Variants in TBRG4 observed in about 807,000 individuals in gnomAD.
The protein encoded by TBRG4 is transforming growth factor beta regulator 4.
Under a neutral mutation model 65.6 loss-of-function variants are expected in TBRG4, and 43 were observed. The observed-to-expected ratio is 0.66, with a 90% CI of 0.51 to 0.85. TBRG4 has a LOEUF of 0.85. TBRG4 is among the 40% of genes least tolerant of loss of function. The probability of loss-of-function intolerance (pLI) is 0.00; values close to 1 mark genes in which losing one functional copy is unlikely to be tolerated. For missense variants in TBRG4, 709 were observed against 787.9 expected (o/e 0.90, Z 1.20); for synonymous variants, 366 against 341.4 (o/e 1.07, Z -0.79).
At chr7:45,100,447 C>T (rs1343133322) in intron 10 of TBRG4, 21 bp from the exon 11 acceptor site, 1 of 1,595,972 alleles carries the variant, frequency 6.3e-7, no homozygotes, top group African/African-American at 1.3e-5. Context: ...GCAGGGGAGA[C>T]AGGTCACATG....
intron 2 of TBRG4, 125 bp from the exon 3 acceptor site, chr7:45,105,889 A>G: frequency 8.5e-7 from 1 of 1,169,768 alleles, no homozygotes; most frequent in Admixed American, 1.8e-5. Context: ...AGACAGTATC[A>G]GTTCCCCACT....
Position 45,111,678 on chromosome 7 carries a change from C to G in TBRG4, c.-86G>C. ...CCACCGCTGACCTCCATCCGCCGCC[C>G]TAACTGTCCCCGGAACCATGAGGTG... On this transcript the variant is annotated 5_prime_UTR_variant, in exon 1 of 11. Coordinates refer to ENST00000258770, the MANE Select transcript of TBRG4 (RefSeq NM_004749.4). The G allele has an allele frequency of 7.8e-7, 1 of 1,288,880 alleles. No individual in the cohort carries two copies. The highest frequency in any genetic ancestry group is 1.5e-5 in the African/African-American group (1 of 66,004). The allele number at this position is 1,288,880 out of a possible 1,614,324, so 79.8% of individuals were successfully genotyped here. A position where few individuals can be genotyped will look rare whatever the true frequency, so the allele number is the denominator to read the frequency against.
rs182036616 is a variant in TBRG4, at chr7:45,108,874, T to G, written c.364A>C (p.Ile122Leu). 31 of 1,562,052 alleles carry G rather than the reference T, an allele frequency of 2.0e-5. No homozygotes were observed. The East Asian group carries it at 6.3e-4, about 32-fold the overall frequency. ...AGTTGATGAAAGTGGGCATCCTGTA[T>G]GAGCAAGCCTTTATCTTCTGGCTTC... The part of the protein sequence containing the change: ...SEKPEDKGLL[I>L]QDAHFHQLLC... Residue 122 changes from isoleucine (I) to leucine (L), a missense_variant, in exon 2 of 11, where the codon ATA becomes CTA. Ile to Leu is a conservative substitution (Grantham distance 5, BLOSUM62 2). Transcript: ENST00000258770.
intron 1 of TBRG4, among the ~76,000 whole-genome samples, chr7:45,111,119 G>A (rs1232794344): frequency 5.9e-5 from 9 of 152,114 alleles, no homozygotes; most frequent in Admixed American, 5.9e-4. Flanking sequence ...GGGACTACAG[G>A]CCCGCGCCAC....
intron 10 of TBRG4, 138 bp downstream of exon 10, chr7:45,101,120 C>G (rs756123060): frequency 4.5e-5 from 33 of 725,764 alleles, no homozygotes; most frequent in Non-Finnish European, 6.4e-5. Context: ...AAACTCCCTC[C>G]CTGGGCTCCT....
chr7:45,105,330 C>T (rs906420816), intron 3 of TBRG4, 111 bp downstream of exon 3: 3 of 1,227,896 alleles, frequency 2.4e-6, no homozygotes, highest in East Asian at 5.0e-5. Context: ...GCTCCCAGGG[C>T]TCTGATCCCA....
In TBRG4 at chr7:45,100,577, T is replaced by G. The variant is rs1784735288; in HGVS notation, c.1795-151A>C. The G allele has an allele frequency of 1.4e-5, 9 of 649,670 alleles. No individual in the cohort carries two copies. The South Asian group carries it at 1.5e-4, about 11-fold the overall frequency. 40.2% of individuals were successfully genotyped at this position (649,670 alleles called of 1,614,324 possible). A position where few individuals can be genotyped will look rare whatever the true frequency, so the allele number is the denominator to read the frequency against. On this transcript the variant is annotated intron_variant, in intron 10 of 10. Transcript: ENST00000258770. ...GCACACCTGCCCCTTGGCCTCCAAG[T>G]CTTCAAGGCAGAGCCCATGAACTGC...
At chr7:45,102,862 A>G (rs1784812096) in intron 6 of TBRG4, among the ~76,000 whole-genome samples, 1 of 152,186 alleles carries the variant, frequency 6.6e-6, no homozygotes, top group African/African-American at 2.4e-5. Context: ...GAGAGATGAG[A>G]GCATCCAAGA....
intron 5 of TBRG4, chr7:45,103,729 G>T (rs1230518617): frequency 5.7e-6 from 3 of 527,690 alleles, no homozygotes; most frequent in Non-Finnish European, 1.0e-5. Flanking sequence ...GTTTAGACTG[G>T]TCACACATAA....
At chr7:45,101,700 T>G in intron 8 of TBRG4, 86 bp from the exon 9 acceptor site, 1 of 1,596,876 alleles carries the variant, frequency 6.3e-7, no homozygotes, top group South Asian at 1.1e-5. Flanking sequence ...GATGGGACTG[T>G]GGGGAGCCCA....
In TBRG4 at chr7:45,100,237, A is replaced by C. The variant is rs1784723834; in HGVS notation, c.*88T>G. 3 of 1,098,842 alleles carry C rather than the reference A, an allele frequency of 2.7e-6. No homozygotes were observed. The highest frequency in any genetic ancestry group is 1.5e-5 in the African/African-American group (1 of 64,918). The allele number at this position is 1,098,842 out of a possible 1,614,324, so 68.1% of individuals were successfully genotyped here. A position where few individuals can be genotyped will look rare whatever the true frequency, so the allele number is the denominator to read the frequency against. ...CCCCACTCTGGCCAAGGTCCTGCAC[A>C]GAGGTTTGTCCTCAAGGGTGACCCT... is the stretch of plus-strand genomic sequence containing the variant. On this transcript the variant is annotated 3_prime_UTR_variant, in exon 11 of 11. Transcript: ENST00000258770.
At chr7:45,104,281 G>T (rs761643518) in intron 4 of TBRG4, 25 bp from the exon 5 acceptor site, 2 of 1,613,068 alleles carry the variant, frequency 1.2e-6, no homozygotes, top group Non-Finnish European at 1.7e-6. Flanking sequence ...AGATCACAGG[G>T]TTTAGCTGGA....
In TBRG4 at chr7:45,101,459, A is replaced by C. The variant is rs762193576; in HGVS notation, c.1679+44T>G. The stretch of plus-strand genomic sequence containing the variant: ...TGGAAAGCAAAGAATATGCAGTCCA[A>C]CAGCCATGGTGCCCCCATGGCCAAC... On this transcript the variant is annotated intron_variant, in intron 9 of 10. Transcript: ENST00000258770. The C allele has an allele frequency of 3.0e-5, 48 of 1,602,360 alleles. 1 individual carries two copies. The Admixed American group carries it at 8.0e-4, about 27-fold the overall frequency.
At chr7:45,102,766 A>G in intron 6 of TBRG4, 2 of 486,318 alleles carry the variant, frequency 4.1e-6, no homozygotes, top group Non-Finnish European at 7.3e-6. Context: ...ACTACAACCA[A>G]CCTACTGGCA....
At position 45,111,626 on chromosome 7, in the gene TBRG4, C is replaced by T. The variant is rs1306004416; in HGVS notation, c.-51+17G>A. On this transcript the variant is annotated intron_variant, in intron 1 of 10. Transcript: ENST00000258770. ...CCCACGATCAGCCGCCCCTTCTCCC[C>T]GTGCCACAAGACCTACGCAGCGAGC... The T allele has an allele frequency of 1.6e-6, 2 of 1,289,482 alleles. No homozygotes were observed. Among genetic ancestry groups the T allele is most frequent in the South Asian group, 2.5e-5 (2 of 81,016 alleles). 79.9% of individuals were successfully genotyped at this position (1,289,482 alleles called of 1,614,324 possible).
At chr7:45,104,383 G>C in intron 4 of TBRG4, 127 bp from the exon 5 acceptor site, 1 of 1,576,550 alleles carries the variant, frequency 6.3e-7, no homozygotes, top group Non-Finnish European at 8.7e-7. Context: ...CTGAGCCTGG[G>C]ACACAGGAAC....
rs1269466217 is a variant in TBRG4 at position 45,108,700 on chromosome 7, A to C, written c.411+127T>G. On this transcript the variant is annotated intron_variant, in intron 2 of 10. Coordinates refer to ENST00000258770, the MANE Select transcript of TBRG4 (RefSeq NM_004749.4). ...ATAAAGCACTTTGAAATTTATAAAA[A>C]AATAAAAAATATCACAAGAGATGCA... 5.1e-6 allele frequency: 4 copies of C among 779,400 alleles called. No homozygotes were observed. In the East Asian group the frequency reaches 8.4e-5, roughly 16 times the overall value. The allele number at this position is 779,400 out of a possible 1,614,324, so 48.3% of individuals were successfully genotyped here. A position where few individuals can be genotyped will look rare whatever the true frequency, so the allele number is the denominator to read the frequency against.
At chr7:45,105,150 C>G (rs1784898894) in intron 3 of TBRG4, 1 of 645,866 alleles carries the variant, frequency 1.5e-6, no homozygotes, top group South Asian at 1.6e-5. Flanking sequence ...GCCCCCCTCT[C>G]AAGATCGTGC....
At chr7:45,101,422 G>A (rs187000612) in intron 9 of TBRG4, 50 bp from the exon 10 acceptor site, 31 of 1,606,000 alleles carry the variant, frequency 1.9e-5, no homozygotes, top group Admixed American at 3.4e-5. Context: ...CCAGCCCCTC[G>A]GAGGGGAAAG....
Sources: allele counts gnomAD v4.1 joint callset (sites outside exome capture counted in the v4.1 genomes callset), GRCh38; gene constraint gnomAD v4.1.1; transcripts MANE v1.5; gene names NCBI Gene and HGNC (gene_info 2026-07-23, HGNC 2026-07-21).